SLC2A11: variants seen among roughly 807,000 people sequenced by gnomAD.
The protein encoded by SLC2A11 is solute carrier family 2 member 11.
SLC2A11 carries 43 observed loss-of-function variants against 52.1 expected under a neutral mutation model. That is an observed-to-expected ratio of 0.82 (90% CI 0.65 to 1.06). SLC2A11 has a LOEUF of 1.06. Ranked by LOEUF, SLC2A11 falls within the 50% of genes least tolerant of loss-of-function variation. The pLI is 0.00. For synonymous variants in SLC2A11, 261 were observed against 277.6 expected (o/e 0.94, Z 0.59); for missense variants, 582 against 654.2 (o/e 0.89, Z 1.20).
At chr22:23,861,376 C>T (rs974620014) in intron 1 of SLC2A11, among the ~76,000 whole-genome samples, 5 of 150,806 alleles carry the variant, frequency 3.3e-5, no homozygotes, top group South Asian at 2.1e-4. Flanking sequence ...GGGGAATTCT[C>T]CCTCCATCTC....
chr22:23,857,608 ACACGCTGGGGCGAACTCCCCAG>A (rs1423660382), upstream of SLC2A11: 42 of 884,910 alleles, frequency 4.7e-5, no homozygotes, highest in African/African-American at 1.2e-3. Flanking sequence ...CTCCCCCCCA[ACACGCTGGGGCGAACTCCCCAG>A]CACCCCCAGC....
upstream of SLC2A11, chr22:23,857,475 C>T (rs370934409): frequency 3.0e-5 from 49 of 1,613,808 alleles, no homozygotes; most frequent in African/African-American, 6.1e-4. Flanking sequence ...AGCCTCAGTG[C>T]TGCGGCAGAG....
In SLC2A11 at chr22:23,884,913, C is replaced by A; in HGVS notation, c.*64C>A. ...CTGTCCTCTGCTTCCTGCCAGGGCC[C>A]TGGTCCTCACTCCCTCCTGCATTCC... is the stretch of plus-strand genomic sequence containing the variant. On this transcript the variant is annotated 3_prime_UTR_variant, in exon 12 of 12. Transcript: ENST00000316185. This position sits in a 1 kb window ranked among gnomAD's most constrained non-coding sequence, Gnocchi z 4.3. 7.4e-7 allele frequency: 1 copy of A among 1,355,100 alleles called. No homozygotes were observed. Among genetic ancestry groups the A allele is most frequent in the Non-Finnish European group, 1.0e-6 (1 of 962,976 alleles). The allele number at this position is 1,355,100 out of a possible 1,614,324, so 83.9% of individuals were successfully genotyped here. A position where few individuals can be genotyped will look rare whatever the true frequency, so the allele number is the denominator to read the frequency against.
At chr22:23,863,348 G>T (rs1466684759) in intron 2 of SLC2A11, among the ~76,000 whole-genome samples, 2 of 152,176 alleles carry the variant, frequency 1.3e-5, no homozygotes, top group Non-Finnish European at 2.9e-5. Context: ...CTCAGCATCT[G>T]AGTCATCTTT....
At chr22:23,874,525 C>T (rs1428021796) in intron 3 of SLC2A11, among the ~76,000 whole-genome samples, 2 of 151,640 alleles carry the variant, frequency 1.3e-5, no homozygotes, top group Non-Finnish European at 2.9e-5. Flanking sequence ...AATCTTGGCT[C>T]ACCACAACCT....
chr22:23,883,942 A>T lies in SLC2A11; in HGVS notation c.1096-7A>T. The T allele has an allele frequency of 1.2e-6, 2 of 1,611,756 alleles. No homozygotes were observed. The highest frequency in any genetic ancestry group is 1.7e-6 in the Non-Finnish European group (2 of 1,179,342). ...CTTCCACCTCACCCCCGCCCCGTCC[A>T]CGGCAGAGCTCCTTCCCCTGGACAC... is the stretch of plus-strand genomic sequence containing the variant. On this transcript the variant is annotated splice_polypyrimidine_tract_variant and splice_region_variant and intron_variant, in intron 9 of 11. Transcript: ENST00000316185.
In SLC2A11 at chr22:23,884,264, C is replaced by G; in HGVS notation, c.1172-38C>G. On this transcript the variant is annotated intron_variant, in intron 10 of 11. Coordinates refer to ENST00000316185, the MANE Select transcript of SLC2A11 (RefSeq NM_001024939.4). The surrounding 1 kb of genome is among the most constrained non-coding windows in gnomAD (Gnocchi z 4.3). ...GGTCGGGGAGAGGCAGGCAGGGAAC[C>G]CTGGCCAGCAGCCCCCTGTCCCTGC... The G allele has an allele frequency of 6.3e-7, 1 of 1,593,362 alleles. No homozygotes were observed. Among genetic ancestry groups the G allele is most frequent in the African/African-American group, 1.3e-5 (1 of 74,640 alleles).
intron 2 of SLC2A11, among the ~76,000 whole-genome samples, chr22:23,864,387 T>C (rs145346705): frequency 0.038 from 5,756 of 152,270 alleles, 368 homozygotes; most frequent in African/African-American, 0.13. Flanking sequence ...GATGGCGTGA[T>C]CTTGGCTCAC....
At position 23,858,498 on chromosome 22, in the gene SLC2A11, A is replaced by G. The variant is rs2031939180; in HGVS notation, c.30+469A>G. Among the ~76,000 whole-genome samples, 3 of 152,174 alleles carry G rather than the reference A, an allele frequency of 2.0e-5. No homozygotes were observed. The South Asian group carries it at 6.2e-4, about 32-fold the overall frequency. Reference sequence around the variant, plus strand: ...CACCGCTTCTAGGGGTTCCTTCCCAATCTGGACTGATTTCTTTAGGTATTT... The same window carrying G: ...CACCGCTTCTAGGGGTTCCTTCCCAGTCTGGACTGATTTCTTTAGGTATTT... On this transcript the variant is annotated intron_variant, in intron 1 of 11. Coordinates refer to ENST00000316185, the MANE Select transcript of SLC2A11 (RefSeq NM_001024939.4).
At chr22:23,860,686 T>G (rs1334023498) in intron 1 of SLC2A11, among the ~76,000 whole-genome samples, 1 of 147,982 alleles carries the variant, frequency 6.8e-6, no homozygotes, top group African/African-American at 2.5e-5. Flanking sequence ...TGAGCCAAGA[T>G]TGCGCCATTG....
chr22:23,877,181 C>G lies in SLC2A11; in HGVS notation c.545+10C>G, dbSNP rs1175683430. ...AGGTGGTCGGACTCAGGTAAGCACC[C>G]CTCCCCCACATGCATTGAGTATTTC... is the stretch of plus-strand genomic sequence containing the variant. On this transcript the variant is annotated intron_variant, in intron 5 of 11. Coordinates refer to ENST00000316185, the MANE Select transcript of SLC2A11 (RefSeq NM_001024939.4). The G allele has an allele frequency of 2.5e-6, 4 of 1,603,906 alleles. No individual in the cohort carries two copies. The highest frequency in any genetic ancestry group is 2.6e-6 in the Non-Finnish European group (3 of 1,174,688).
At chr22:23,860,166 A>G (rs191141053) in intron 1 of SLC2A11, among the ~76,000 whole-genome samples, 4 of 152,318 alleles carry the variant, frequency 2.6e-5, no homozygotes, top group Admixed American at 6.5e-5. Context: ...CACGCCTGTA[A>G]TCCTACCACT....
chr22:23,863,511 G>A (rs190901655), intron 2 of SLC2A11, among the ~76,000 whole-genome samples: 18 of 152,034 alleles, frequency 1.2e-4, no homozygotes, highest in African/African-American at 3.9e-4. Context: ...GGGAATGATG[G>A]GATGTGGGGC....
intron 2 of SLC2A11, chr22:23,866,137 C>G (rs114229098): frequency 0.01 from 1,515 of 150,050 alleles, 15 homozygotes; most frequent in African/African-American, 0.031. Context: ...CCACTGCACT[C>G]TAGCCTGGAC....
chr22:23,858,188 G>C lies in SLC2A11; in HGVS notation c.30+159G>C, dbSNP rs745802041. ...ACAGTGGCGTTAGGTGCTAGGCTCAGATGTGCATAGGCAGGTGTTTACGCC... is the reference window on the plus strand; with the variant it reads ...ACAGTGGCGTTAGGTGCTAGGCTCACATGTGCATAGGCAGGTGTTTACGCC... On this transcript the variant is annotated intron_variant, in intron 1 of 11. Coordinates refer to ENST00000316185, the MANE Select transcript of SLC2A11 (RefSeq NM_001024939.4). The C allele has an allele frequency of 1.4e-5, 16 of 1,139,448 alleles. No homozygotes were observed. In the African/African-American group the frequency reaches 2.3e-4, roughly 16 times the overall value. 70.6% of individuals were successfully genotyped at this position (1,139,448 alleles called of 1,614,324 possible).
chr22:23,884,111 C>A lies in SLC2A11; in HGVS notation c.1171+87C>A. 1 of 1,546,148 alleles carries A rather than the reference C, an allele frequency of 6.5e-7. No individual in the cohort carries two copies. Among genetic ancestry groups the A allele is most frequent in the Non-Finnish European group, 8.7e-7 (1 of 1,142,886 alleles). ...GGTGCACAGTGGGTGGGTGTGAATG[C>A]AATGTCCCCTGCAGGCCCTCAGAGA... On this transcript the variant is annotated intron_variant, in intron 10 of 11. Transcript: ENST00000316185. This position sits in a 1 kb window ranked among gnomAD's most constrained non-coding sequence, Gnocchi z 4.3.
Position 23,882,440 on chromosome 22 carries a change from A to G in SLC2A11, c.695-19A>G, listed in dbSNP as rs920420591. 1.3e-5 allele frequency: 20 copies of G among 1,515,144 alleles called. No individual in the cohort carries two copies. Among genetic ancestry groups the G allele is most frequent in the Non-Finnish European group, 1.7e-5 (19 of 1,134,002 alleles). The allele number at this position is 1,515,144 out of a possible 1,614,324, so 93.9% of individuals were successfully genotyped here. A position where few individuals can be genotyped will look rare whatever the true frequency, so the allele number is the denominator to read the frequency against. ...GGGGCTTGGGGACGGGGAGCTCAGT[A>G]CCCTCCTCCCTGGCTCAGCACTACG... On this transcript the variant is annotated intron_variant, in intron 6 of 11. Transcript: ENST00000316185.
chr22:23,868,258 A>C, intron 2 of SLC2A11: 1 of 570,980 alleles, frequency 1.8e-6, no homozygotes, highest in South Asian at 2.4e-5. Flanking sequence ...GTCCAGTGCT[A>C]GGCTCTGAGA....
At chr22:23,880,273 A>AAG (rs572108787) in intron 6 of SLC2A11, 1 of 150,414 alleles carries the variant, frequency 6.6e-6, no homozygotes, top group Non-Finnish European at 1.5e-5. Context: ...AAAAAAAAAA[A>AAG]AAAAAGAAAA....
Sources: allele counts gnomAD v4.1 joint callset (sites outside exome capture counted in the v4.1 genomes callset), GRCh38; gene constraint gnomAD v4.1.1; non-coding constraint Gnocchi (gnomAD v3.1); transcripts MANE v1.5; gene names NCBI Gene and HGNC (gene_info 2026-07-23, HGNC 2026-07-21).